R3HDM2: variants seen among roughly 807,000 people sequenced by gnomAD.
The protein encoded by R3HDM2 is R3H domain containing 2, also known as R3H domain-containing protein 2.
In R3HDM2, 38 loss-of-function variants were observed where a neutral mutation model predicts 124.5. The observed-to-expected ratio is 0.31, with a 90% confidence interval of 0.24 to 0.40. R3HDM2 has a LOEUF of 0.40. Ranked by LOEUF, R3HDM2 falls within the 10% of genes least tolerant of loss-of-function variation. The probability of loss-of-function intolerance (pLI) is 1.00; values close to 1 mark genes in which losing one functional copy is unlikely to be tolerated. For missense variants in R3HDM2, 869 were observed against 1,236.9 expected (o/e 0.70, Z 4.46); for synonymous variants, 391 against 448.0 (o/e 0.87, Z 1.61).
intron 14 of R3HDM2, chr12:57,272,509 G>T: frequency 6.5e-7 from 1 of 1,547,602 alleles, no homozygotes; most frequent in South Asian, 1.2e-5. Flanking sequence ...CAGGAGCTTG[G>T]AGAGAACTGA....
In R3HDM2 at chr12:57,269,059, G is replaced by T. The variant is rs1438737313; in HGVS notation, c.1738C>A (p.Gln580Lys). Residue 580 changes from glutamine to lysine, a missense_variant, in exon 17 of 24, where the codon CAG becomes AAG. Gln to Lys is a moderately conservative substitution (Grantham distance 53, BLOSUM62 1). Coordinates refer to ENST00000402412, the MANE Select transcript of R3HDM2 (RefSeq NM_001394031.1). Reference protein sequence around the residue: ...QPGLQPMMPNQQQAAYQGMIG... With the variant: ...QPGLQPMMPNKQQAAYQGMIG... ...ATGCCTTGGTAAGCCGCCTGCTGCTGGTTAGGCATCATGGGCTGTAAACCT... is the reference window on the plus strand; with the variant it reads ...ATGCCTTGGTAAGCCGCCTGCTGCTTGTTAGGCATCATGGGCTGTAAACCT... The T allele has an allele frequency of 5.0e-6, 8 of 1,614,098 alleles. No individual in the cohort carries two copies. The highest frequency in any genetic ancestry group is 6.8e-6 in the Non-Finnish European group (8 of 1,180,046).
chr12:57,400,827 CAA>C (rs893270919), intron 1 of R3HDM2, among the ~76,000 whole-genome samples: 1 of 152,044 alleles, frequency 6.6e-6, no homozygotes, highest in African/African-American at 2.4e-5. Flanking sequence ...GCCAATTTTT[CAA>C]AGAGATCAAA....
intron 2 of R3HDM2, among the ~76,000 whole-genome samples, chr12:57,374,824 T>C (rs1009223637): frequency 6.8e-6 from 1 of 147,502 alleles, no homozygotes; most frequent in African/African-American, 2.5e-5. Context: ...AAACCCCGTC[T>C]CTACTAAAAA....
chr12:57,372,073 G>C (rs1163771312), intron 2 of R3HDM2, among the ~76,000 whole-genome samples: 1 of 152,100 alleles, frequency 6.6e-6, no homozygotes, highest in African/African-American at 2.4e-5. Context: ...CTCCACATTG[G>C]TCAGGCTGGT....
At chr12:57,357,997 T>C (rs74519845) in intron 2 of R3HDM2, among the ~76,000 whole-genome samples, 4 of 151,554 alleles carry the variant, frequency 2.6e-5, no homozygotes, top group African/African-American at 9.7e-5. Context: ...TTTTTTTTTT[T>C]AGACAGAGTT....
intron 19 of R3HDM2, among the ~76,000 whole-genome samples, chr12:57,264,214 C>T (rs1259199898): frequency 1.3e-5 from 2 of 148,808 alleles, no homozygotes; most frequent in East Asian, 2.0e-4. Flanking sequence ...TGCACTCCAG[C>T]CTGGGCGACA....
intron 14 of R3HDM2, among the ~76,000 whole-genome samples, chr12:57,278,218 TC>T (rs1028629330): frequency 6.6e-5 from 10 of 152,004 alleles, no homozygotes; most frequent in Non-Finnish European, 1.5e-4. Context: ...GGCACCACAC[TC>T]CCCATAGGAG....
chr12:57,388,433 C>T (rs1367276623), intron 2 of R3HDM2, among the ~76,000 whole-genome samples: 1 of 152,120 alleles, frequency 6.6e-6, no homozygotes, highest in South Asian at 2.1e-4. Context: ...AGAAAGCAAA[C>T]GACAAGTCAG....
chr12:57,374,775 C>T (rs1252161895), intron 2 of R3HDM2, among the ~76,000 whole-genome samples: 3 of 147,734 alleles, frequency 2.0e-5, no homozygotes, highest in Non-Finnish European at 4.4e-5. Context: ...AGGCAGATCA[C>T]GAGGTCAGGA....
intron 1 of R3HDM2, chr12:57,430,465 G>C (rs985453565): frequency 3.2e-6 from 3 of 948,064 alleles, no homozygotes; most frequent in African/African-American, 1.8e-5. Flanking sequence ...ACCCCGCAAA[G>C]GCCACAGGTG....
At position 57,383,717 on chromosome 12, in the gene R3HDM2, A is replaced by AAAT. The variant is rs918392313; in HGVS notation, c.-36+12029_-36+12031dup. Reference sequence around the variant, plus strand: ...ACTCCGTCTCAAAAACAAACAAACAAAATAATAATAATAATAATATCTGTT... The same window carrying AAAT: ...ACTCCGTCTCAAAAACAAACAAACAAAATAATAATAATAATAATAATATCTGTT... On this transcript the variant is annotated intron_variant, in intron 2 of 23. Coordinates refer to ENST00000402412, the MANE Select transcript of R3HDM2 (RefSeq NM_001394031.1). Among the ~76,000 whole-genome samples, 9 of 152,110 alleles carry AAAT rather than the reference A, an allele frequency of 5.9e-5. No individual in the cohort carries two copies. The East Asian group carries it at 1.2e-3, about 20-fold the overall frequency.
At chr12:57,273,720 A>G (rs933704943) in intron 14 of R3HDM2, among the ~76,000 whole-genome samples, 1 of 152,180 alleles carries the variant, frequency 6.6e-6, no homozygotes, top group Admixed American at 6.5e-5. Flanking sequence ...GAAGAAGTCA[A>G]GGAGAATTAT....
intron 2 of R3HDM2, chr12:57,341,534 C>A (rs2059563649): frequency 7.6e-6 from 3 of 392,470 alleles, no homozygotes; most frequent in South Asian, 1.1e-4. Flanking sequence ...AAAAACAAGC[C>A]AATTATAAGA....
chr12:57,321,111 T>C (rs1288098662), intron 2 of R3HDM2, among the ~76,000 whole-genome samples: 1 of 152,222 alleles, frequency 6.6e-6, no homozygotes, highest in Non-Finnish European at 1.5e-5. Context: ...TGAGCATCCC[T>C]AATGAGAAAA....
intron 2 of R3HDM2, among the ~76,000 whole-genome samples, chr12:57,315,625 C>T (rs2054853052): frequency 6.6e-6 from 1 of 152,172 alleles, no homozygotes; most frequent in South Asian, 2.1e-4. Context: ...TATCAGTGTC[C>T]AACCACTGTT....
chr12:57,303,885 A>G (rs2051903425), intron 3 of R3HDM2, among the ~76,000 whole-genome samples: 1 of 152,196 alleles, frequency 6.6e-6, no homozygotes, highest in African/African-American at 2.4e-5. Context: ...TTTTGGACAA[A>G]CCATGGTATC....
intron 2 of R3HDM2, among the ~76,000 whole-genome samples, chr12:57,340,089 A>G (rs563488714): frequency 2.0e-5 from 3 of 152,244 alleles, no homozygotes; most frequent in Non-Finnish European, 4.4e-5. Flanking sequence ...GTTGAAATAA[A>G]AAGAACTTTT....
rs143975576 is a variant in R3HDM2 at position 57,295,723 on chromosome 12, C to T, written c.702-216G>A. On this transcript the variant is annotated intron_variant, in intron 9 of 23. Transcript: ENST00000402412. Reference sequence around the variant, plus strand: ...CTCTTCCTCCATAGTTATATCTGTCCTATCAGTGAAGTGAAGAGAGGCTAG... The same window carrying T: ...CTCTTCCTCCATAGTTATATCTGTCTTATCAGTGAAGTGAAGAGAGGCTAG... 378 of 503,486 alleles carry T rather than the reference C, an allele frequency of 7.5e-4. 1 individual carries two copies. The Middle Eastern group carries it at 8.4e-3, about 11-fold the overall frequency. 31.2% of individuals were successfully genotyped at this position (503,486 alleles called of 1,614,324 possible).
intron 1 of R3HDM2, among the ~76,000 whole-genome samples, chr12:57,406,599 T>C (rs916166622): frequency 5.9e-5 from 9 of 152,120 alleles, no homozygotes; most frequent in Non-Finnish European, 1.2e-4. Context: ...TAAGAAATGA[T>C]AGAATTTGAG....
Sources: allele counts gnomAD v4.1 joint callset (sites outside exome capture counted in the v4.1 genomes callset), GRCh38; gene constraint gnomAD v4.1.1; transcripts MANE v1.5; gene names NCBI Gene and HGNC (gene_info 2026-07-23, HGNC 2026-07-21).